The following TTC28 variants were observed in gnomAD, a reference collection of about 807,000 sequenced individuals.
TTC28 encodes tetratricopeptide repeat protein 28.
A neutral mutation model predicts 198.0 loss-of-function variants in TTC28; 61 were observed. The ratio of observed to expected loss-of-function variants is 0.31; its 90% CI spans 0.25 to 0.38. The LOEUF (loss-of-function observed/expected upper bound fraction) is 0.38. Ranked by LOEUF, TTC28 falls within the 10% of genes least tolerant of loss-of-function variation. TTC28 has a pLI of 1.00. For synonymous variants in TTC28, 1,171 were observed against 1,297.8 expected (o/e 0.90, Z 2.10); for missense variants, 2,678 against 3,164.0 (o/e 0.85, Z 3.69).
intron 2 of TTC28, among the ~76,000 whole-genome samples, chr22:28,553,093 A>G (rs2049715061): frequency 6.6e-6 from 1 of 152,094 alleles, no homozygotes; most frequent in Non-Finnish European, 1.5e-5. Flanking sequence ...TCAGTGCTCA[A>G]TGGTGCCCAG....
intron 5 of TTC28, among the ~76,000 whole-genome samples, chr22:28,274,782 C>G (rs1004285321): frequency 6.6e-5 from 10 of 151,932 alleles, no homozygotes; most frequent in African/African-American, 2.2e-4. Flanking sequence ...GAGTTTGAAA[C>G]CAGCCTGGCC....
At chr22:28,386,471 T>G (rs1210114142) in intron 2 of TTC28, among the ~76,000 whole-genome samples, 1 of 152,078 alleles carries the variant, frequency 6.6e-6, no homozygotes, top group Non-Finnish European at 1.5e-5. Flanking sequence ...AGAAAGAGTC[T>G]GTTGAATTAA....
chr22:28,512,776 G>C (rs1354432708), intron 2 of TTC28, among the ~76,000 whole-genome samples: 1 of 152,094 alleles, frequency 6.6e-6, no homozygotes, highest in Non-Finnish European at 1.5e-5. Context: ...GCCTGTCAAG[G>C]CTGGGGGACA....
At chr22:28,560,716 A>G (rs1346448694) in intron 2 of TTC28, among the ~76,000 whole-genome samples, 1 of 151,966 alleles carries the variant, frequency 6.6e-6, no homozygotes, top group East Asian at 1.9e-4. Context: ...CTTCCCTGAC[A>G]TTTCTACCTA....
intron 2 of TTC28, among the ~76,000 whole-genome samples, chr22:28,514,533 G>A (rs73168191): frequency 0.032 from 4,934 of 152,278 alleles, 115 homozygotes; most frequent in Middle Eastern, 0.061. Context: ...ACAAAAGGCC[G>A]GAAGCTGGAG....
At chr22:28,581,469 C>T (rs1232207584) in intron 2 of TTC28, among the ~76,000 whole-genome samples, 2 of 151,994 alleles carry the variant, frequency 1.3e-5, no homozygotes, top group African/African-American at 2.4e-5. Context: ...TAGGAGATTC[C>T]AAAGGATAAA....
chr22:28,254,710 A>G (rs1232208263), intron 5 of TTC28, among the ~76,000 whole-genome samples: 1 of 152,214 alleles, frequency 6.6e-6, no homozygotes, highest in Non-Finnish European at 1.5e-5. Context: ...TGCTAGAAAC[A>G]AAGAGGGAAC....
At chr22:28,277,961 T>C (rs2044503134) in intron 5 of TTC28, among the ~76,000 whole-genome samples, 1 of 152,146 alleles carries the variant, frequency 6.6e-6, no homozygotes. Context: ...TTACAGATTG[T>C]CATTAGTATC....
chr22:28,166,925 A>C (rs946336505), intron 5 of TTC28, among the ~76,000 whole-genome samples: 2 of 152,220 alleles, frequency 1.3e-5, no homozygotes, highest in East Asian at 1.9e-4. Flanking sequence ...GGACTGCTAG[A>C]AAGACTAATA....
At chr22:28,245,239 C>G (rs763816172) in intron 5 of TTC28, among the ~76,000 whole-genome samples, 1 of 152,142 alleles carries the variant, frequency 6.6e-6, no homozygotes, top group Non-Finnish European at 1.5e-5. Context: ...GAATAACTAT[C>G]TTAACAGTTT....
chr22:28,297,569 C>T lies in TTC28; in HGVS notation c.802+11G>A, dbSNP rs2044925287. 7.1e-6 allele frequency: 11 copies of T among 1,543,042 alleles called. No individual in the cohort carries two copies. The highest frequency in any genetic ancestry group is 1.4e-5 in the African/African-American group (1 of 72,866). On this transcript the variant is annotated intron_variant, in intron 4 of 22. Transcript: ENST00000397906. Reference sequence around the variant, plus strand: ...CCCTTTCTGCACTGAAATAGAGAAGCATCACTCTACCTAAGGTCTTGGCTA... The same window carrying T: ...CCCTTTCTGCACTGAAATAGAGAAGTATCACTCTACCTAAGGTCTTGGCTA...
chr22:27,999,464 T>G (rs1252235375), intron 15 of TTC28: 3 of 766,912 alleles, frequency 3.9e-6, no homozygotes, highest in East Asian at 2.8e-5. Flanking sequence ...CCTGCTGTGA[T>G]GAGCCCTTGG....
intron 17 of TTC28, 80 bp downstream of exon 17, chr22:27,996,055 C>G: frequency 6.7e-7 from 1 of 1,490,294 alleles, no homozygotes; most frequent in Non-Finnish European, 8.9e-7. Context: ...CTCACATCCC[C>G]GTGTAGGGAA....
chr22:28,164,294 T>C (rs932263193), intron 5 of TTC28, among the ~76,000 whole-genome samples: 16 of 151,918 alleles, frequency 1.1e-4, no homozygotes, highest in Non-Finnish European at 2.1e-4. Context: ...TTGAAGAGAG[T>C]AGTGGTTCTC....
intron 6 of TTC28, among the ~76,000 whole-genome samples, chr22:28,120,906 C>T (rs1407714075): frequency 6.6e-6 from 1 of 152,152 alleles, no homozygotes; most frequent in East Asian, 1.9e-4. Context: ...AGTGTTCTAG[C>T]TAGATTAAGC....
At chr22:28,444,729 C>T (rs76373260) in intron 2 of TTC28, among the ~76,000 whole-genome samples, 2,426 of 152,238 alleles carry the variant, frequency 0.016, 85 homozygotes, top group African/African-American at 0.056. Context: ...AGAGCTTATG[C>T]CTTTTCTAGG....
intron 5 of TTC28, among the ~76,000 whole-genome samples, chr22:28,188,467 T>A (rs1924409749): frequency 6.6e-6 from 1 of 152,030 alleles, no homozygotes; most frequent in Non-Finnish European, 1.5e-5. Flanking sequence ...GGGGTACAGG[T>A]CTGAAAACAG....
chr22:28,559,377 T>C (rs1048632576), intron 2 of TTC28, among the ~76,000 whole-genome samples: 2 of 152,196 alleles, frequency 1.3e-5, no homozygotes, highest in African/African-American at 4.8e-5. Context: ...AGTTTTTTAT[T>C]TACTCATTCG....
At chr22:28,091,050 C>G (rs1360804674) in intron 12 of TTC28, among the ~76,000 whole-genome samples, 1 of 152,210 alleles carries the variant, frequency 6.6e-6, no homozygotes, top group Non-Finnish European at 1.5e-5. Flanking sequence ...GACTCATTAG[C>G]TCTCTGTATA....
Sources: allele counts gnomAD v4.1 joint callset (sites outside exome capture counted in the v4.1 genomes callset), GRCh38; gene constraint gnomAD v4.1.1; transcripts MANE v1.5; gene names NCBI Gene and HGNC (gene_info 2026-07-23, HGNC 2026-07-21).